TENM3: variants seen among roughly 807,000 people sequenced by gnomAD.
TENM3 encodes teneurin transmembrane protein 3, also known as teneurin-3.
A neutral mutation model predicts 255.1 loss-of-function variants in TENM3; 63 were observed. The observed-to-expected ratio is 0.25, with a 90% confidence interval of 0.20 to 0.30. The LOEUF (loss-of-function observed/expected upper bound fraction) is 0.30. Ranked by LOEUF, TENM3 falls within the 10% of genes least tolerant of loss-of-function variation. The pLI, the probability that TENM3 is intolerant of heterozygous loss-of-function variation, is 1.00. For missense variants in TENM3, 2,929 were observed against 3,461.1 expected, an observed-to-expected ratio of 0.85 and a Z score of 3.86; for synonymous variants, 1,306 against 1,322.3, an observed-to-expected ratio of 0.99 and a Z score of 0.27.
chr4:182,481,304 T>C (rs999405923), intron 3 of TENM3, among the ~76,000 whole-genome samples: 1 of 152,186 alleles, frequency 6.6e-6, no homozygotes, highest in Non-Finnish European at 1.5e-5. Flanking sequence ...TCTTGAACTT[T>C]GTGACAATAA....
At chr4:181,628,800 T>C in the TENM3 span, among the ~76,000 whole-genome samples, 1 of 152,224 alleles carries the variant, frequency 6.6e-6, no homozygotes. Flanking sequence ...TGGCTTAGGA[T>C]TGACTTGGCA....
chr4:181,799,207 A>G, the TENM3 span, among the ~76,000 whole-genome samples: 1 of 152,244 alleles, frequency 6.6e-6, no homozygotes, highest in South Asian at 2.1e-4. Flanking sequence ...GTAATCCTCA[A>G]GGTTGGATCT....
intron 3 of TENM3, among the ~76,000 whole-genome samples, chr4:182,579,155 C>T (rs560905000): frequency 6.6e-5 from 10 of 152,270 alleles, no homozygotes; most frequent in South Asian, 2.1e-4. Context: ...CTTGTGGCTT[C>T]GCAGCGGTGA....
At chr4:182,280,070 C>G (rs1249945702) in intron 1 of TENM3, among the ~76,000 whole-genome samples, 1 of 152,146 alleles carries the variant, frequency 6.6e-6, no homozygotes, top group Non-Finnish European at 1.5e-5. Flanking sequence ...TTGGAGTGTC[C>G]TTTTCATCAC....
chr4:182,363,427 A>C (rs1337689395), intron 3 of TENM3, among the ~76,000 whole-genome samples: 1 of 151,846 alleles, frequency 6.6e-6, no homozygotes, highest in East Asian at 1.9e-4. Flanking sequence ...ACATATATAC[A>C]TATATATGCA....
the TENM3 span, among the ~76,000 whole-genome samples, chr4:181,535,544 T>C: frequency 6.6e-6 from 1 of 152,192 alleles, no homozygotes; most frequent in Non-Finnish European, 1.5e-5. Context: ...ATCACCTCTC[T>C]GCTCAAAACC....
At chr4:181,985,201 T>A in the TENM3 span, among the ~76,000 whole-genome samples, 5 of 151,556 alleles carry the variant, frequency 3.3e-5, no homozygotes. Context: ...TTTTCCATGG[T>A]AATACTCATA....
chr4:182,323,468 C>G (rs1763185460), intron 1 of TENM3, among the ~76,000 whole-genome samples: 2 of 146,796 alleles, frequency 1.4e-5, no homozygotes, highest in Admixed American at 1.4e-4. Flanking sequence ...GTTTCAGTGG[C>G]AAGAATTTCC....
the TENM3 span, among the ~76,000 whole-genome samples, chr4:181,759,145 G>C: frequency 6.6e-6 from 1 of 152,086 alleles, no homozygotes; most frequent in Non-Finnish European, 1.5e-5. Context: ...GTTGGAAATA[G>C]AGATTGCAAA....
At chr4:182,091,266 G>A in the TENM3 span, among the ~76,000 whole-genome samples, 4,439 of 152,272 alleles carry the variant, frequency 0.029, 95 homozygotes, top group South Asian at 0.066. Context: ...TGCAGAACAA[G>A]TTCCAATAAA....
rs111817169 is a variant in TENM3, at chr4:182,714,966, C to T, written c.2368+733C>T. Among the ~76,000 whole-genome samples, 432 of 152,318 alleles carry T rather than the reference C, an allele frequency of 2.8e-3. 1 individual carries two copies. The highest frequency in any genetic ancestry group is 9.9e-3 in the African/African-American group (412 of 41,566). The stretch of plus-strand genomic sequence containing the variant: ...ATGGCACGATCTCAGCTCACCGCAG[C>T]CTCCACCTCCCGGGTTCAAGTGATT... On this transcript the variant is annotated intron_variant, in intron 13 of 27. Coordinates refer to ENST00000511685, the MANE Select transcript of TENM3 (RefSeq NM_001080477.4).
At chr4:181,565,372 G>A in the TENM3 span, among the ~76,000 whole-genome samples, 1 of 152,170 alleles carries the variant, frequency 6.6e-6, no homozygotes, top group South Asian at 2.1e-4. Context: ...AACATACTTA[G>A]AGAATAAATT....
chr4:182,703,680 T>C (rs538306604), intron 12 of TENM3, among the ~76,000 whole-genome samples: 4 of 152,362 alleles, frequency 2.6e-5, no homozygotes, highest in African/African-American at 9.6e-5. Context: ...AAATAAATCA[T>C]AATGTATCCT....
the TENM3 span, among the ~76,000 whole-genome samples, chr4:182,101,096 G>GGAAGGAAGGAAAGA: frequency 3.7e-5 from 1 of 26,854 alleles, no homozygotes; most frequent in Non-Finnish European, 1.0e-4. Context: ...GGGAGGGAGG[G>GGAAGGAAGGAAAGA]AGGGAGGGAG....
the TENM3 span, among the ~76,000 whole-genome samples, chr4:181,591,332 G>A: frequency 6.6e-6 from 1 of 152,264 alleles, no homozygotes; most frequent in East Asian, 1.9e-4. Context: ...ATTAAAAATT[G>A]AAAATATACC....
chr4:182,014,043 CGTATATAT>C, the TENM3 span, among the ~76,000 whole-genome samples: 2 of 39,610 alleles, frequency 5.0e-5, no homozygotes, highest in South Asian at 7.6e-4. Context: ...CACATATATA[CGTATATAT>C]ACGTGTATAT....
rs564511895 is a variant in TENM3, at chr4:182,775,157, C to T, written c.5304+4C>T. 2.0e-5 allele frequency: 32 copies of T among 1,613,256 alleles called. 1 individual carries two copies. Among genetic ancestry groups the T allele is most frequent in the South Asian group, 5.5e-5 (5 of 91,070 alleles). On this transcript the variant is annotated splice_donor_region_variant and intron_variant, in intron 24 of 27. Coordinates refer to ENST00000511685, the MANE Select transcript of TENM3 (RefSeq NM_001080477.4). ...TGTCTTTGGCCGCAAGCTCAGGGTA[C>T]GTACGTGTTGTGGAGCAGGAGATAG...
At chr4:181,549,773 G>T in the TENM3 span, among the ~76,000 whole-genome samples, 1 of 152,120 alleles carries the variant, frequency 6.6e-6, no homozygotes, top group Non-Finnish European at 1.5e-5. Flanking sequence ...CTGTGCTTGG[G>T]GTGGGGACAG....
intron 1 of TENM3, among the ~76,000 whole-genome samples, chr4:182,293,888 C>G (rs927039849): frequency 6.6e-6 from 1 of 152,114 alleles, no homozygotes; most frequent in African/African-American, 2.4e-5. Context: ...GAGGCTTAAC[C>G]CTCCCAGGGG....
Sources: gnomAD v4.1 joint callset for allele counts (sites outside exome capture counted in the v4.1 genomes callset) on GRCh38, gnomAD v4.1.1 for gene constraint, MANE v1.5 for transcripts, NCBI Gene and HGNC (gene_info 2026-07-23, HGNC 2026-07-21) for gene names.